Variants in CNTN4 observed in about 807,000 individuals in gnomAD.
CNTN4 encodes contactin 4, also known as contactin-4.
A neutral mutation model predicts 122.5 loss-of-function variants in CNTN4; 77 were observed. That is an observed-to-expected ratio of 0.63 (90% CI 0.52 to 0.76). The LOEUF is 0.76. Among genes scored for constraint, CNTN4 ranks in the 30% least tolerant of loss-of-function variants. CNTN4 has a pLI of 0.00. For synonymous variants in CNTN4, 512 were observed against 447.0 expected (o/e 1.15, Z -1.83); for missense variants, 1,256 against 1,259.1 (o/e 1.00, Z 0.04).
Position 3,057,852 on chromosome 3 carries a change from A to G in CNTN4, c.*1632A>G, listed in dbSNP as rs1042939043. On this transcript the variant is annotated 3_prime_UTR_variant, in exon 25 of 25. Coordinates refer to ENST00000418658, the MANE Select transcript of CNTN4 (RefSeq NM_175607.3). ...AAAATAATAAAATGAACGAAAAAAA[A>G]TGACACCCAGGGAGTTCCCAACCCC... is the stretch of plus-strand genomic sequence containing the variant. The G allele has an allele frequency of 6.6e-6, 1 of 152,650 alleles. No individual in the cohort carries two copies. Among genetic ancestry groups the G allele is most frequent in the Non-Finnish European group, 1.5e-5 (1 of 68,038 alleles). The allele number at this position is 152,650 out of a possible 1,614,324, so 9.5% of individuals were successfully genotyped here.
chr3:2,704,612 G>C (rs972740346), intron 4 of CNTN4, among the ~76,000 whole-genome samples: 9 of 152,102 alleles, frequency 5.9e-5, no homozygotes, highest in African/African-American at 2.2e-4. Flanking sequence ...CTCTTGAACA[G>C]GCATCAGAAT....
chr3:2,703,847 G>A (rs1240841718), intron 4 of CNTN4, among the ~76,000 whole-genome samples: 1 of 151,962 alleles, frequency 6.6e-6, no homozygotes, highest in Admixed American at 6.6e-5. Context: ...AAATAAAAGA[G>A]CTAAGTATTA....
chr3:2,977,898 A>G (rs924072445), intron 13 of CNTN4, among the ~76,000 whole-genome samples: 1 of 152,200 alleles, frequency 6.6e-6, no homozygotes, highest in Admixed American at 6.5e-5. Context: ...GGAAATTTGG[A>G]TACAGAGGGA....
At chr3:2,790,330 ATCTCAAGAGATCC>A (rs1429599781) in intron 6 of CNTN4, among the ~76,000 whole-genome samples, 2 of 152,192 alleles carry the variant, frequency 1.3e-5, no homozygotes, top group African/African-American at 4.8e-5. Context: ...GCCATAGTGG[ATCTCAAGAGATCC>A]TCTGGGCCAG....
chr3:2,366,476 C>A (rs1028576842), intron 3 of CNTN4, among the ~76,000 whole-genome samples: 1 of 152,010 alleles, frequency 6.6e-6, no homozygotes, highest in Admixed American at 6.6e-5. Context: ...ACCTGTAATC[C>A]CAGCACTTTG....
chr3:2,573,629 T>C (rs1224031015), intron 4 of CNTN4, among the ~76,000 whole-genome samples: 1 of 152,216 alleles, frequency 6.6e-6, no homozygotes, highest in African/African-American at 2.4e-5. Flanking sequence ...GGGTTAAAAA[T>C]CAAGAAAGCC....
chr3:2,351,399 C>T (rs939732318), intron 3 of CNTN4, among the ~76,000 whole-genome samples: 2 of 152,182 alleles, frequency 1.3e-5, no homozygotes, highest in African/African-American at 4.8e-5. Context: ...AAGGAGAGAA[C>T]GTAGTTTTCC....
intron 4 of CNTN4, among the ~76,000 whole-genome samples, chr3:2,652,416 A>G (rs1210629005): frequency 1.3e-5 from 2 of 152,218 alleles, no homozygotes; most frequent in African/African-American, 4.8e-5. Context: ...TGGATCTGCT[A>G]ATCTAAACAG....
intron 15 of CNTN4, among the ~76,000 whole-genome samples, chr3:3,029,543 A>C (rs1415207607): frequency 6.6e-6 from 1 of 152,200 alleles, no homozygotes; most frequent in East Asian, 1.9e-4. Context: ...TGGCAATTCT[A>C]TCTCTTCCAT....
At chr3:2,717,285 G>T (rs559453462) in intron 4 of CNTN4, among the ~76,000 whole-genome samples, 7 of 152,174 alleles carry the variant, frequency 4.6e-5, no homozygotes, top group African/African-American at 1.7e-4. Context: ...AAATAATATG[G>T]TTTTTTATGA....
At chr3:2,398,645 A>G (rs2150947707) in intron 3 of CNTN4, among the ~76,000 whole-genome samples, 1 of 152,234 alleles carries the variant, frequency 6.6e-6, no homozygotes, top group South Asian at 2.1e-4. Flanking sequence ...AGTGCATCAG[A>G]CTATGAAATT....
chr3:2,381,013 T>C (rs1477211500), intron 3 of CNTN4, among the ~76,000 whole-genome samples: 5 of 147,750 alleles, frequency 3.4e-5, no homozygotes, highest in Admixed American at 3.4e-4. Flanking sequence ...TTTTTCTTCC[T>C]TTTTTTTTTG....
chr3:2,904,416 C>A (rs1203622499), intron 12 of CNTN4, among the ~76,000 whole-genome samples: 1 of 152,224 alleles, frequency 6.6e-6, no homozygotes, highest in Non-Finnish European at 1.5e-5. Flanking sequence ...AAAACTTCCA[C>A]ACTGCTCTTC....
chr3:3,050,829 C>T (rs1368198775), intron 23 of CNTN4, among the ~76,000 whole-genome samples: 1 of 150,776 alleles, frequency 6.6e-6, no homozygotes, highest in African/African-American at 2.4e-5. Context: ...GCAGGATCCG[C>T]CACTTACCAG....
intron 2 of CNTN4, among the ~76,000 whole-genome samples, chr3:2,301,731 C>T (rs961838405): frequency 2.6e-5 from 4 of 152,178 alleles, no homozygotes; most frequent in East Asian, 3.9e-4. Flanking sequence ...CTCAGATGCC[C>T]ACTCTAGTAG....
intron 7 of CNTN4, among the ~76,000 whole-genome samples, chr3:2,845,165 G>A (rs1368934392): frequency 3.3e-5 from 5 of 151,996 alleles, no homozygotes; most frequent in Admixed American, 1.3e-4. Context: ...AAGGTTCTAC[G>A]GACAATTATA....
At chr3:2,495,372 A>G (rs998245026) in intron 3 of CNTN4, among the ~76,000 whole-genome samples, 1 of 152,224 alleles carries the variant, frequency 6.6e-6, no homozygotes, top group African/African-American at 2.4e-5. Context: ...CTAGACCACC[A>G]TTAAATCCCC....
chr3:2,695,905 G>A (rs1393960317), intron 4 of CNTN4, among the ~76,000 whole-genome samples: 2 of 152,178 alleles, frequency 1.3e-5, no homozygotes, highest in African/African-American at 4.8e-5. Flanking sequence ...ACTGAGGTAT[G>A]AAATCAGTAT....
chr3:2,403,077 T>C (rs1176405228), intron 3 of CNTN4, among the ~76,000 whole-genome samples: 4 of 152,122 alleles, frequency 2.6e-5, no homozygotes. Context: ...CTTCTAGCTT[T>C]GGGTGGTTTG....
Sources: gnomAD v4.1 joint callset for allele counts (sites outside exome capture counted in the v4.1 genomes callset) on GRCh38, gnomAD v4.1.1 for gene constraint, MANE v1.5 for transcripts, NCBI Gene and HGNC (gene_info 2026-07-23, HGNC 2026-07-21) for gene names.